The following NLGN1 variants were observed in gnomAD, a reference collection of about 807,000 sequenced individuals.
NLGN1 encodes neuroligin 1.
A neutral mutation model predicts 65.5 loss-of-function variants in NLGN1; 12 were observed. The ratio of observed to expected loss-of-function variants is 0.18; its 90% CI spans 0.12 to 0.30. The LOEUF is 0.30. Ranked by LOEUF, NLGN1 falls within the 10% of genes least tolerant of loss-of-function variation. The pLI is 1.00. For missense variants in NLGN1, 750 were observed against 1,007.1 expected (o/e 0.74, Z 3.46); for synonymous variants, 350 against 359.5 (o/e 0.97, Z 0.30).
At chr3:173,935,379 A>G (rs994816621) in intron 4 of NLGN1, among the ~76,000 whole-genome samples, 1 of 152,034 alleles carries the variant, frequency 6.6e-6, no homozygotes, top group Non-Finnish European at 1.5e-5. Context: ...TGTAATGAGA[A>G]TTAATAAAGT....
intron 4 of NLGN1, among the ~76,000 whole-genome samples, chr3:174,034,563 T>G (rs146163942): frequency 6.6e-6 from 1 of 152,224 alleles, no homozygotes; most frequent in East Asian, 1.9e-4. Context: ...TTGGGAATAC[T>G]CCGTTATAAA....
intron 3 of NLGN1, among the ~76,000 whole-genome samples, chr3:173,631,256 A>C (rs1465555581): frequency 3.3e-5 from 5 of 152,158 alleles, no homozygotes; most frequent in Admixed American, 2.6e-4. Flanking sequence ...GGAGAATACA[A>C]ATTTATTGTT....
intron 4 of NLGN1, among the ~76,000 whole-genome samples, chr3:174,265,557 C>A (rs1450244240): frequency 1.3e-5 from 2 of 151,778 alleles, no homozygotes; most frequent in African/African-American, 4.8e-5. Flanking sequence ...GTGCGCGCAC[C>A]CACTGACCTG....
chr3:174,119,725 C>T (rs1717337041), intron 4 of NLGN1, among the ~76,000 whole-genome samples: 1 of 152,222 alleles, frequency 6.6e-6, no homozygotes, highest in South Asian at 2.1e-4. Context: ...TGGGACCCAT[C>T]ACTTTAAGAT....
intron 4 of NLGN1, among the ~76,000 whole-genome samples, chr3:174,178,286 G>A (rs1479952751): frequency 2.0e-5 from 3 of 152,082 alleles, no homozygotes; most frequent in Non-Finnish European, 4.4e-5. Context: ...TACAGTGTGT[G>A]TAGTCAGCCT....
At chr3:174,100,728 A>C (rs550687946) in intron 4 of NLGN1, among the ~76,000 whole-genome samples, 54 of 152,072 alleles carry the variant, frequency 3.6e-4, no homozygotes, top group African/African-American at 1.3e-3. Flanking sequence ...CCTTCATTTC[A>C]ATTAAGAAGT....
At chr3:173,472,968 G>A (rs1725550325) in intron 2 of NLGN1, among the ~76,000 whole-genome samples, 2 of 152,112 alleles carry the variant, frequency 1.3e-5, no homozygotes, top group South Asian at 4.1e-4. Flanking sequence ...AATTCCATCA[G>A]AAGCACAGTA....
intron 4 of NLGN1, among the ~76,000 whole-genome samples, chr3:174,090,454 C>G (rs537614517): frequency 4.3e-4 from 66 of 152,000 alleles, no homozygotes; most frequent in South Asian, 1.2e-3. Flanking sequence ...GCCTGGGGGA[C>G]AGAGCGAGAC....
intron 2 of NLGN1, among the ~76,000 whole-genome samples, chr3:173,513,566 G>C (rs1733327894): frequency 6.6e-6 from 1 of 152,042 alleles, no homozygotes; most frequent in African/African-American, 2.4e-5. Flanking sequence ...TTTTCTGTTT[G>C]TTCAGCTTTT....
At chr3:173,841,743 C>G (rs1724813459) in intron 4 of NLGN1, among the ~76,000 whole-genome samples, 1 of 152,080 alleles carries the variant, frequency 6.6e-6, no homozygotes, top group Admixed American at 6.6e-5. Flanking sequence ...CTAAGAAGCA[C>G]TGGAGTGATA....
At chr3:173,658,213 G>T (rs941040093) in intron 3 of NLGN1, among the ~76,000 whole-genome samples, 1 of 151,930 alleles carries the variant, frequency 6.6e-6, no homozygotes, top group African/African-American at 2.4e-5. Context: ...TCGGGTCTTT[G>T]CAGATAGATG....
chr3:173,825,882 G>A (rs1410633890), intron 4 of NLGN1, among the ~76,000 whole-genome samples: 2 of 151,808 alleles, frequency 1.3e-5, no homozygotes, highest in African/African-American at 4.8e-5. Context: ...TAAGTCTTGT[G>A]GTAGAGCAAA....
chr3:173,700,030 G>T (rs1766887737), intron 3 of NLGN1, among the ~76,000 whole-genome samples: 1 of 152,164 alleles, frequency 6.6e-6, no homozygotes, highest in African/African-American at 2.4e-5. Context: ...CCCATCACAA[G>T]GACAAAACTC....
At chr3:173,852,598 C>A (rs1229395192) in intron 4 of NLGN1, among the ~76,000 whole-genome samples, 1 of 151,988 alleles carries the variant, frequency 6.6e-6, no homozygotes, top group African/African-American at 2.4e-5. Context: ...TTGTTGACCC[C>A]TAATTGTTAG....
At chr3:174,112,563 A>G (rs756122582) in intron 4 of NLGN1, among the ~76,000 whole-genome samples, 3 of 151,906 alleles carry the variant, frequency 2.0e-5, no homozygotes, top group South Asian at 2.1e-4. Flanking sequence ...TCACTGTTCA[A>G]TAGATCCATG....
At chr3:173,706,916 T>G (rs1185374877) in intron 3 of NLGN1, among the ~76,000 whole-genome samples, 2 of 152,250 alleles carry the variant, frequency 1.3e-5, no homozygotes, top group African/African-American at 4.8e-5. Context: ...TTTTTCGATA[T>G]TCAACTTTAT....
At chr3:173,427,379 T>C (rs1400831312) in intron 1 of NLGN1, among the ~76,000 whole-genome samples, 2 of 151,992 alleles carry the variant, frequency 1.3e-5, no homozygotes, top group Non-Finnish European at 2.9e-5. Context: ...CATGCTTTTC[T>C]ATTTCCTTTA....
chr3:173,448,211 C>G (rs1720753128), intron 2 of NLGN1, among the ~76,000 whole-genome samples: 2 of 152,006 alleles, frequency 1.3e-5, no homozygotes, highest in Non-Finnish European at 2.9e-5. Context: ...TCATAGATAG[C>G]TCTTATTATT....
intron 4 of NLGN1, among the ~76,000 whole-genome samples, chr3:174,079,641 C>CCAT (rs1560992173): frequency 1.3e-5 from 2 of 152,134 alleles, no homozygotes; most frequent in African/African-American, 4.8e-5. Context: ...GCCTAAATGC[C>CCAT]CATCAATGGT....
Sources: allele counts gnomAD v4.1 joint callset (sites outside exome capture counted in the v4.1 genomes callset), GRCh38; gene constraint gnomAD v4.1.1; transcripts MANE v1.5; gene names NCBI Gene and HGNC (gene_info 2026-07-23, HGNC 2026-07-21).